Variants in SOX5 observed in about 807,000 individuals in gnomAD.
The protein encoded by SOX5 is SRY-box transcription factor 5, also known as transcription factor SOX-5.
A neutral mutation model predicts 92.0 loss-of-function variants in SOX5; 9 were observed. The ratio of observed to expected loss-of-function variants is 0.10; its 90% CI spans 0.06 to 0.17. The LOEUF (loss-of-function observed/expected upper bound fraction) is 0.17, where lower values mean the gene tolerates loss of function less well. SOX5 is among the 10% of genes least tolerant of loss of function. The pLI is 1.00. For synonymous variants in SOX5, 344 were observed against 336.3 expected (o/e 1.02, Z -0.25); for missense variants, 642 against 944.5 (o/e 0.68, Z 4.20).
intron 4 of SOX5, among the ~76,000 whole-genome samples, chr12:24,157,565 G>T (rs1027189650): frequency 3.9e-5 from 6 of 152,108 alleles, no homozygotes; most frequent in African/African-American, 1.2e-4. Flanking sequence ...ATGGGATTTG[G>T]TTGGATAGAT....
At chr12:23,899,263 T>C (rs1244076976) in intron 1 of SOX5, among the ~76,000 whole-genome samples, 2 of 152,050 alleles carry the variant, frequency 1.3e-5, no homozygotes, top group Non-Finnish European at 2.9e-5. Context: ...TAGCTGGGCA[T>C]GGTGGTGCAT....
chr12:24,204,308 C>CATT (rs1555173282), intron 4 of SOX5, among the ~76,000 whole-genome samples: 60 of 148,402 alleles, frequency 4.0e-4, no homozygotes, highest in Admixed American at 1.2e-3. Flanking sequence ...TTTATTTTTC[C>CATT]ATTATTATTA....
At chr12:24,534,639 T>G (rs1951480405) in intron 1 of SOX5, among the ~76,000 whole-genome samples, 1 of 152,238 alleles carries the variant, frequency 6.6e-6, no homozygotes, top group South Asian at 2.1e-4. Flanking sequence ...TACCCCAAGA[T>G]GAACACCTAC....
chr12:24,138,912 G>A (rs1233177091), intron 4 of SOX5, among the ~76,000 whole-genome samples: 2 of 152,008 alleles, frequency 1.3e-5, no homozygotes, highest in Non-Finnish European at 2.9e-5. Flanking sequence ...ATTATACCTC[G>A]ACTCCTTAAA....
chr12:24,079,090 C>T (rs1943006665), intron 4 of SOX5, among the ~76,000 whole-genome samples: 1 of 151,202 alleles, frequency 6.6e-6, no homozygotes, highest in South Asian at 2.1e-4. Flanking sequence ...TTGCTCTGTT[C>T]AACATCACCT....
intron 4 of SOX5, among the ~76,000 whole-genome samples, chr12:24,074,754 C>A (rs186351209): frequency 6.6e-6 from 1 of 151,062 alleles, no homozygotes; most frequent in African/African-American, 2.4e-5. Context: ...AATTCACTTT[C>A]GCCATTTCTC....
At chr12:23,555,495 AC>A (rs929754043) in intron 11 of SOX5, among the ~76,000 whole-genome samples, 2 of 151,858 alleles carry the variant, frequency 1.3e-5, no homozygotes, top group Non-Finnish European at 2.9e-5. Context: ...AAAAAAAAAA[AC>A]CTTTAAAAAG....
intron 1 of SOX5, among the ~76,000 whole-genome samples, chr12:24,453,575 T>C (rs1942622910): frequency 1.3e-5 from 2 of 152,352 alleles, no homozygotes; most frequent in South Asian, 4.1e-4. Context: ...TCATTTGTAA[T>C]ATACCTATTT....
intron 4 of SOX5, among the ~76,000 whole-genome samples, chr12:24,135,637 T>A (rs2138570991): frequency 6.6e-6 from 1 of 152,280 alleles, no homozygotes; most frequent in South Asian, 2.1e-4. Flanking sequence ...TTATAATAAT[T>A]ACAACAGGAC....
chr12:23,556,446 C>A (rs1220720162), intron 11 of SOX5, among the ~76,000 whole-genome samples: 1 of 152,054 alleles, frequency 6.6e-6, no homozygotes, highest in African/African-American at 2.4e-5. Flanking sequence ...AAATATTAAT[C>A]ACTTGTGTTA....
chr12:24,284,388 G>A (rs1357589233), intron 2 of SOX5, among the ~76,000 whole-genome samples: 1 of 151,796 alleles, frequency 6.6e-6, no homozygotes, highest in Admixed American at 6.6e-5. Flanking sequence ...GAGGAGAGCT[G>A]ATGGAGGTGT....
intron 4 of SOX5, among the ~76,000 whole-genome samples, chr12:24,083,011 CTCTT>C (rs549429760): frequency 5.9e-5 from 9 of 152,060 alleles, no homozygotes; most frequent in Admixed American, 1.3e-4. Context: ...ACAAAGAGGA[CTCTT>C]TCTATTATTC....
intron 3 of SOX5, among the ~76,000 whole-genome samples, chr12:23,814,052 TA>T (rs1474286445): frequency 6.6e-6 from 1 of 152,182 alleles, no homozygotes; most frequent in Admixed American, 6.5e-5. Context: ...TTTCTTTTTA[TA>T]AATTAAAAGA....
At chr12:23,698,599 T>C (rs1355847634) in intron 6 of SOX5, among the ~76,000 whole-genome samples, 1 of 152,208 alleles carries the variant, frequency 6.6e-6, no homozygotes, top group African/African-American at 2.4e-5. Context: ...TGTTTCAACA[T>C]CTTTGTCTAC....
chr12:23,640,031 C>T (rs2138700521), intron 8 of SOX5, among the ~76,000 whole-genome samples: 1 of 152,212 alleles, frequency 6.6e-6, no homozygotes, highest in South Asian at 2.1e-4. Flanking sequence ...GGAGAGTAAT[C>T]CTATTATTAG....
intron 1 of SOX5, among the ~76,000 whole-genome samples, chr12:24,514,495 T>C (rs1156421605): frequency 1.3e-5 from 2 of 152,232 alleles, no homozygotes; most frequent in Non-Finnish European, 2.9e-5. Flanking sequence ...AACATTTTTC[T>C]CATTGATGGC....
intron 3 of SOX5, among the ~76,000 whole-genome samples, chr12:23,757,607 A>G (rs1255450939): frequency 6.6e-6 from 1 of 151,978 alleles, no homozygotes; most frequent in African/African-American, 2.4e-5. Context: ...CTTGAGTAGC[A>G]TGTAAACAGG....
intron 3 of SOX5, among the ~76,000 whole-genome samples, chr12:23,798,569 C>T (rs1371537970): frequency 2.7e-5 from 4 of 149,348 alleles, no homozygotes; most frequent in Non-Finnish European, 5.9e-5. Flanking sequence ...TAGCAATATC[C>T]CATTTTTATT....
chr12:23,802,904 A>G (rs1381684611), intron 3 of SOX5, among the ~76,000 whole-genome samples: 1 of 151,976 alleles, frequency 6.6e-6, no homozygotes, highest in Non-Finnish European at 1.5e-5. Flanking sequence ...TCTCAACCAC[A>G]CTACAGAATA....
Sources: allele counts gnomAD v4.1 joint callset (sites outside exome capture counted in the v4.1 genomes callset), GRCh38; gene constraint gnomAD v4.1.1; transcripts MANE v1.5; gene names NCBI Gene and HGNC (gene_info 2026-07-23, HGNC 2026-07-21).